SVOPL: variants seen among roughly 807,000 people sequenced by gnomAD.
SVOPL encodes putative transporter SVOPL.
In SVOPL, 60 loss-of-function variants were observed where a neutral mutation model predicts 61.0. That is an observed-to-expected ratio of 0.98 (90% CI 0.80 to 1.22). The LOEUF (loss-of-function observed/expected upper bound fraction) is 1.22. SVOPL is among the 50% of genes most tolerant of loss of function. The pLI, the probability that SVOPL is intolerant of heterozygous loss-of-function variation, is 0.00. For missense variants in SVOPL, 662 were observed against 643.9 expected, an observed-to-expected ratio of 1.03 and a Z score of -0.30; for synonymous variants, 279 against 250.0, an observed-to-expected ratio of 1.12 and a Z score of -1.09.
At chr7:138,683,495 G>A (rs774557579) in intron 1 of SVOPL, among the ~76,000 whole-genome samples, 1 of 152,026 alleles carries the variant, frequency 6.6e-6, no homozygotes, top group Non-Finnish European at 1.5e-5. Flanking sequence ...AGCCTCCCGA[G>A]TAGCTGGGAT....
chr7:138,595,722 A>T (rs1369943936), intron 15 of SVOPL, among the ~76,000 whole-genome samples: 1 of 152,138 alleles, frequency 6.6e-6, no homozygotes, highest in Admixed American at 6.5e-5. Context: ...CCTTTTGCTT[A>T]TAATTAAAAG....
intron 1 of SVOPL, among the ~76,000 whole-genome samples, chr7:138,684,501 G>C (rs1802763025): frequency 6.6e-6 from 1 of 152,204 alleles, no homozygotes; most frequent in African/African-American, 2.4e-5. Flanking sequence ...AGTACAAATG[G>C]CCAATGAAAA....
intron 14 of SVOPL, among the ~76,000 whole-genome samples, chr7:138,601,040 A>T (rs1447472746): frequency 6.6e-6 from 1 of 151,984 alleles, no homozygotes; most frequent in South Asian, 2.1e-4. Context: ...TCACAAGGTC[A>T]GGAGATCGAG....
chr7:138,628,491 CCACA>C, intron 10 of SVOPL, 128 bp from the exon 11 acceptor site: 1 of 864,682 alleles, frequency 1.2e-6, no homozygotes, highest in Non-Finnish European at 1.8e-6. Context: ...GGCTCAGACG[CCACA>C]CAGAGCATTC....
At chr7:138,623,231 T>A (rs1799747035) in intron 13 of SVOPL, among the ~76,000 whole-genome samples, 1 of 152,184 alleles carries the variant, frequency 6.6e-6, no homozygotes, top group African/African-American at 2.4e-5. Flanking sequence ...TTTTTCACAT[T>A]GTGAGTCATC....
intron 5 of SVOPL, chr7:138,661,328 GC>G: frequency 1.0e-6 from 1 of 985,392 alleles, no homozygotes; most frequent in Non-Finnish European, 1.2e-6. Flanking sequence ...ATGTGTAGCT[GC>G]TTATGTTTAT....
At position 138,637,117 on chromosome 7, in the gene SVOPL, A is replaced by G. The variant is rs529986169; in HGVS notation, c.790-6995T>C. Among the ~76,000 whole-genome samples the G allele has an allele frequency of 6.8e-4, 103 of 152,250 alleles. 3 individuals carry two copies. In the South Asian group the frequency reaches 0.02, roughly 29 times the overall value. ...GTTCAAAAATAGATTCAAATATATA[A>G]TGAATGGATTATTCAAAATATATAC... On this transcript the variant is annotated intron_variant, in intron 9 of 15. Coordinates refer to ENST00000674285, the MANE Select transcript of SVOPL (RefSeq NM_001139456.2).
At chr7:138,683,950 G>A (rs1353608687) in intron 1 of SVOPL, among the ~76,000 whole-genome samples, 1 of 151,750 alleles carries the variant, frequency 6.6e-6, no homozygotes, top group African/African-American at 2.4e-5. Flanking sequence ...TACTCGGGAG[G>A]CTGAAGCAGG....
intron 13 of SVOPL, chr7:138,625,139 C>G (rs1799838365): frequency 1.3e-5 from 2 of 152,124 alleles, no homozygotes; most frequent in African/African-American, 4.8e-5. Context: ...TTTTTTGTAC[C>G]TGCCTATAAA....
chr7:138,663,819 C>T (rs1293676607), intron 4 of SVOPL, among the ~76,000 whole-genome samples: 3 of 152,052 alleles, frequency 2.0e-5, no homozygotes, highest in Admixed American at 2.0e-4. Context: ...GCCTCCAGGG[C>T]AATCAAAGGA....
intron 1 of SVOPL, among the ~76,000 whole-genome samples, chr7:138,691,435 G>T: frequency 6.6e-6 from 1 of 152,096 alleles, no homozygotes; most frequent in East Asian, 1.9e-4. Flanking sequence ...ATTTTAGAGG[G>T]GCACTAAAAC....
intron 10 of SVOPL, 81 bp from the exon 11 acceptor site, chr7:138,628,444 C>T (rs4728437): frequency 0.038 from 53,399 of 1,420,370 alleles, 1,418 homozygotes; most frequent in Admixed American, 0.11. Context: ...CCAAGTGGAA[C>T]GTGTAGCATG....
At chr7:138,597,652 G>C (rs568572489) in intron 14 of SVOPL, among the ~76,000 whole-genome samples, 1 of 151,840 alleles carries the variant, frequency 6.6e-6, no homozygotes, top group African/African-American at 2.4e-5. Context: ...GTGTGTGTGT[G>C]TGTGTGTGTG....
chr7:138,658,543 C>A (rs1801855690), intron 6 of SVOPL, among the ~76,000 whole-genome samples: 1 of 152,112 alleles, frequency 6.6e-6, no homozygotes, highest in Non-Finnish European at 1.5e-5. Flanking sequence ...TCCCAAAGTG[C>A]TCAGATTACA....
intron 9 of SVOPL, among the ~76,000 whole-genome samples, chr7:138,639,424 C>G (rs1800667197): frequency 6.6e-6 from 1 of 151,598 alleles, no homozygotes; most frequent in South Asian, 2.1e-4. Flanking sequence ...GTCAGGAGTT[C>G]AAGACCAGCC....
intron 9 of SVOPL, among the ~76,000 whole-genome samples, chr7:138,631,834 G>A (rs1800206791): frequency 1.3e-5 from 2 of 152,034 alleles, no homozygotes; most frequent in Non-Finnish European, 2.9e-5. Flanking sequence ...CTCCCAAAGT[G>A]CTTAGATTAC....
At chr7:138,664,290 C>G in intron 4 of SVOPL, 1 of 963,470 alleles carries the variant, frequency 1.0e-6, no homozygotes, top group Non-Finnish European at 1.2e-6. Context: ...CCATCGGGCA[C>G]GCGCCTAACC....
chr7:138,679,489 T>G (rs1014534099), intron 1 of SVOPL, among the ~76,000 whole-genome samples: 19 of 152,106 alleles, frequency 1.2e-4, no homozygotes, highest in African/African-American at 4.3e-4. Flanking sequence ...TCCAGGCTGG[T>G]CTCGAATTTC....
intron 15 of SVOPL, among the ~76,000 whole-genome samples, chr7:138,594,828 A>C (rs1049785305): frequency 1.3e-5 from 2 of 152,114 alleles, no homozygotes; most frequent in African/African-American, 2.4e-5. Flanking sequence ...AGAAAAATTC[A>C]CGTTTTATAC....
Sources: gnomAD v4.1 joint callset for allele counts (sites outside exome capture counted in the v4.1 genomes callset) on GRCh38, gnomAD v4.1.1 for gene constraint, MANE v1.5 for transcripts, NCBI Gene and HGNC (gene_info 2026-07-23, HGNC 2026-07-21) for gene names.